The following HIGD2B variants were observed in gnomAD, a reference collection of about 807,000 sequenced individuals.
The protein encoded by HIGD2B is HIG1 domain family member 2B.
For synonymous variants in HIGD2B, 45 were observed against 28.1 expected, an observed-to-expected ratio of 1.60 and a Z score of -1.90; for missense variants, 106 against 67.0, an observed-to-expected ratio of 1.58 and a Z score of -2.03.
In HIGD2B at chr15:72,676,011, T is replaced by C. The variant is rs765627080; in HGVS notation, c.*43A>G. On this transcript the variant is annotated 3_prime_UTR_variant, in exon 3 of 3. Transcript: ENST00000311755. ...CCATGGTAGGGCCAGTGGTTGCTCCTGGGTTTTGGAATGATTTCTGCAGAG... is the reference window on the plus strand; with the variant it reads ...CCATGGTAGGGCCAGTGGTTGCTCCCGGGTTTTGGAATGATTTCTGCAGAG... 6 of 690,104 alleles carry C rather than the reference T, an allele frequency of 8.7e-6. No homozygotes were observed. The highest frequency in any genetic ancestry group is 5.3e-5 in the African/African-American group (3 of 56,932). 42.7% of individuals were successfully genotyped at this position (690,104 alleles called of 1,614,324 possible). A position where few individuals can be genotyped will look rare whatever the true frequency, so the allele number is the denominator to read the frequency against.
Position 72,686,120 on chromosome 15 carries a change from C to T in HIGD2B, c.-495G>A. The T allele has an allele frequency of 8.3e-7, 1 of 1,208,642 alleles. No individual in the cohort carries two copies. Among genetic ancestry groups the T allele is most frequent in the South Asian group, 1.3e-5 (1 of 77,280 alleles). 74.9% of individuals were successfully genotyped at this position (1,208,642 alleles called of 1,614,324 possible). A position where few individuals can be genotyped will look rare whatever the true frequency, so the allele number is the denominator to read the frequency against. ...ATTCCTTAGGTCACTCGGCGATTTACTTCCTTCCCCCGCTTCCTCACAGTC... is the reference window on the plus strand; with the variant it reads ...ATTCCTTAGGTCACTCGGCGATTTATTTCCTTCCCCCGCTTCCTCACAGTC... On this transcript the variant is annotated 5_prime_UTR_variant, in exon 1 of 3. Coordinates refer to ENST00000311755, the MANE Select transcript of HIGD2B (RefSeq NM_001350932.3).
At chr15:72,680,395 A>C (rs1399732944) in intron 1 of HIGD2B, among the ~76,000 whole-genome samples, 1 of 152,252 alleles carries the variant, frequency 6.6e-6, no homozygotes, top group Non-Finnish European at 1.5e-5. Context: ...ACTCGAAGGA[A>C]AAATGAGATC....
In HIGD2B at chr15:72,686,077, A is replaced by G. The variant is rs1172935831; in HGVS notation, c.-452T>C. ...CAGAGGTAAGCCTTCTGTGGAGCAGACCCTAATCCTCCCCCTGATTCCTTA... is the reference window on the plus strand; with the variant it reads ...CAGAGGTAAGCCTTCTGTGGAGCAGGCCCTAATCCTCCCCCTGATTCCTTA... On this transcript the variant is annotated 5_prime_UTR_variant, in exon 1 of 3. Coordinates refer to ENST00000311755, the MANE Select transcript of HIGD2B (RefSeq NM_001350932.3). 2 of 811,090 alleles carry G rather than the reference A, an allele frequency of 2.5e-6. No homozygotes were observed. Among genetic ancestry groups the G allele is most frequent in the Non-Finnish European group, 4.1e-6 (2 of 491,646 alleles). The allele number at this position is 811,090 out of a possible 1,614,324, so 50.2% of individuals were successfully genotyped here.
chr15:72,679,095 G>A (rs1333784438), intron 2 of HIGD2B, among the ~76,000 whole-genome samples: 2 of 151,950 alleles, frequency 1.3e-5, no homozygotes, highest in African/African-American at 4.8e-5. Flanking sequence ...GGGCAGCCAG[G>A]CGTAGTGGCT....
rs538641921 is a variant in HIGD2B, at chr15:72,679,437, G to GGGAA, written c.-14+574_-14+577dup. On this transcript the variant is annotated intron_variant, in intron 2 of 2. Transcript: ENST00000311755. ...AGAGAGGGGAAGAGGAAAGAAGGAA[G>GGGAA]GGAAGGAAGGAAGGAAGGATATAGT... Among the ~76,000 whole-genome samples, 22 of 149,408 alleles carry GGGAA rather than the reference G, an allele frequency of 1.5e-4. No individual in the cohort carries two copies. In the South Asian group the frequency reaches 2.1e-3, roughly 15 times the overall value.
chr15:72,686,175 C>T lies in HIGD2B; in HGVS notation c.-550G>A, dbSNP rs760667037. The stretch of plus-strand genomic sequence containing the variant: ...ACAGCCCTACGACTTCCGCTTGCCT[C>T]GTCGTCTGGGAAACCGCCGACTTCC... On this transcript the variant is annotated 5_prime_UTR_variant, in exon 1 of 3. Coordinates refer to ENST00000311755, the MANE Select transcript of HIGD2B (RefSeq NM_001350932.3). The T allele has an allele frequency of 1.6e-5, 24 of 1,533,304 alleles. No homozygotes were observed. In the East Asian group the frequency reaches 3.9e-4, roughly 25 times the overall value. The allele number at this position is 1,533,304 out of a possible 1,614,324, so 95.0% of individuals were successfully genotyped here.
In HIGD2B at chr15:72,676,088, C is replaced by T; in HGVS notation, c.287G>A (p.Gly96Asp). The change falls in exon 3 of 3, where the codon GGT becomes GAT. Residue 96 changes from glycine (G) to aspartate (D), a missense_variant. Transcript: ENST00000311755. Reference protein sequence around the residue: ...QGFTIAAILLGLAATAMKSPP With the variant: ...QGFTIAAILLDLAATAMKSPP ...AGACTTCATAGCGGTGGCAGCTAGA[C>T]CCAGCAAGATGGCTGCAATGGTGAA... 1 of 764,322 alleles carries T rather than the reference C, an allele frequency of 1.3e-6. No homozygotes were observed. The highest frequency in any genetic ancestry group is 2.4e-6 in the Non-Finnish European group (1 of 416,146). The allele number at this position is 764,322 out of a possible 1,614,324, so 47.3% of individuals were successfully genotyped here. A position where few individuals can be genotyped will look rare whatever the true frequency, so the allele number is the denominator to read the frequency against.
chr15:72,679,129 C>T (rs1382405076), intron 2 of HIGD2B, among the ~76,000 whole-genome samples: 2 of 151,202 alleles, frequency 1.3e-5, no homozygotes, highest in Non-Finnish European at 2.9e-5. Context: ...CTAGGACTTT[C>T]GAGGTGGGCA....
intron 2 of HIGD2B, among the ~76,000 whole-genome samples, chr15:72,677,836 G>A (rs2064709118): frequency 6.6e-6 from 1 of 152,084 alleles, no homozygotes; most frequent in Non-Finnish European, 1.5e-5. Context: ...GGGATCTGGA[G>A]CTGGTAGGGA....
Position 72,679,097 on chromosome 15 carries a change from G to A in HIGD2B, c.-14+918C>T, listed in dbSNP as rs149224066. Among the ~76,000 whole-genome samples, 646 of 151,892 alleles carry A rather than the reference G, an allele frequency of 4.3e-3. 8 individuals are homozygous for A. Among genetic ancestry groups the A allele is most frequent in the African/African-American group, 0.015 (621 of 41,464 alleles). ...AAGGAAAGAAAGAGGGCAGCCAGGC[G>A]TAGTGGCTCACGCCTGTAATCCTAG... On this transcript the variant is annotated intron_variant, in intron 2 of 2. Transcript: ENST00000311755.
chr15:72,678,784 G>C (rs2064718218), intron 2 of HIGD2B, among the ~76,000 whole-genome samples: 6 of 152,016 alleles, frequency 3.9e-5, no homozygotes, highest in Admixed American at 3.9e-4. Context: ...GATCACTTAA[G>C]CCTTGGAGTT....
chr15:72,684,846 C>T (rs888080151), intron 1 of HIGD2B, among the ~76,000 whole-genome samples: 2 of 151,922 alleles, frequency 1.3e-5, no homozygotes, highest in Non-Finnish European at 2.9e-5. Context: ...CACAGAAATG[C>T]GATCTCGGCT....
At chr15:72,681,245 C>G (rs1366499344) in intron 1 of HIGD2B, among the ~76,000 whole-genome samples, 1 of 152,096 alleles carries the variant, frequency 6.6e-6, no homozygotes, top group Admixed American at 6.6e-5. Context: ...TACATAGTTC[C>G]TTATAAATTC....
Position 72,675,809 on chromosome 15 carries a change from T to G in HIGD2B, c.*245A>C. On this transcript the variant is annotated 3_prime_UTR_variant, in exon 3 of 3. Coordinates refer to ENST00000311755, the MANE Select transcript of HIGD2B (RefSeq NM_001350932.3). ...TGTGTAATTTTTTACTTTTTTCTTA[T>G]TTTTAGAGTTTATTAAGCAGGGGAG... The G allele has an allele frequency of 6.5e-6, 3 of 463,254 alleles. No individual in the cohort carries two copies. The highest frequency in any genetic ancestry group is 3.8e-5 in the Admixed American group (1 of 26,518). The allele number at this position is 463,254 out of a possible 1,614,324, so 28.7% of individuals were successfully genotyped here. A position where few individuals can be genotyped will look rare whatever the true frequency, so the allele number is the denominator to read the frequency against.
chr15:72,685,783 C>A, intron 1 of HIGD2B, 35 bp downstream of exon 1: 1 of 291,176 alleles, frequency 3.4e-6, no homozygotes, highest in Non-Finnish European at 6.8e-6. Flanking sequence ...TACCTCAGTT[C>A]GATAGTGACA....
At chr15:72,676,505 A>G (rs946787978) in intron 2 of HIGD2B, 118 bp from the exon 3 acceptor site, 2 of 594,250 alleles carry the variant, frequency 3.4e-6, no homozygotes, top group Middle Eastern at 4.1e-4. Flanking sequence ...CCCTGGTCCC[A>G]GTTAAAGCAA....
chr15:72,686,032 C>T lies in HIGD2B; in HGVS notation c.-407G>A. The T allele has an allele frequency of 1.5e-6, 1 of 659,716 alleles. No individual in the cohort carries two copies. The highest frequency in any genetic ancestry group is 1.8e-5 in the South Asian group (1 of 56,354). 40.9% of individuals were successfully genotyped at this position (659,716 alleles called of 1,614,324 possible). ...GGGATAAAGGCAGCGAGTGGCTGCG[C>T]ATTCCCTCCCCGACTCTTTCAGAGG... On this transcript the variant is annotated 5_prime_UTR_variant, in exon 1 of 3. An upstream start codon of the reference 5' UTR is lost. Transcript: ENST00000311755.
intron 1 of HIGD2B, among the ~76,000 whole-genome samples, chr15:72,683,545 A>G (rs1367331960): frequency 6.6e-6 from 1 of 151,986 alleles, no homozygotes; most frequent in African/African-American, 2.4e-5. Flanking sequence ...AAACTGCATG[A>G]AACTAAGCGC....
At chr15:72,685,236 C>T (rs905943055) in intron 1 of HIGD2B, among the ~76,000 whole-genome samples, 1 of 152,114 alleles carries the variant, frequency 6.6e-6, no homozygotes, top group African/African-American at 2.4e-5. Context: ...CCTGGAGAAA[C>T]TTGTCTTAAA....
Sources: gnomAD v4.1 joint callset for allele counts (sites outside exome capture counted in the v4.1 genomes callset) on GRCh38, gnomAD v4.1.1 for gene constraint, MANE v1.5 for transcripts, NCBI Gene and HGNC (gene_info 2026-07-23, HGNC 2026-07-21) for gene names.